Variants in TKT observed in about 807,000 individuals in gnomAD.
TKT encodes transketolase.
Under a neutral mutation model 63.9 loss-of-function variants are expected in TKT, and 47 were observed. The observed-to-expected ratio is 0.74, with a 90% CI of 0.58 to 0.94. The LOEUF (loss-of-function observed/expected upper bound fraction) is 0.94. Ranked by LOEUF, TKT falls within the 40% of genes least tolerant of loss-of-function variation. The pLI, the probability that TKT is intolerant of heterozygous loss-of-function variation, is 0.00. For synonymous variants in TKT, 338 were observed against 334.1 expected (o/e 1.01, Z -0.13); for missense variants, 721 against 846.2 (o/e 0.85, Z 1.84).
In TKT at chr3:53,255,897, T is replaced by A. The variant is rs1367681609; in HGVS notation, c.46A>T (p.Lys16Ter). The A allele has an allele frequency of 6.5e-7, 1 of 1,549,172 alleles. No homozygotes were observed. Among genetic ancestry groups the A allele is most frequent in the Non-Finnish European group, 8.7e-7 (1 of 1,148,222 alleles). Residue 16 changes from lysine (K) to a stop codon, truncating the protein, a stop_gained, in exon 1 of 14, where the codon AAG (lysine) becomes TAG (stop). Transcript: ENST00000462138. LOFTEE classifies it high-confidence loss of function. The stretch of plus-strand genomic sequence containing the variant: ...ATACGTAGGCGGTTGGCCGTGTCCT[T>A]CAAGGCCTGCAGCTTCTGCTGGTCA... ...KPDQQKLQAL[K>*]DTANRLRISS...
chr3:53,241,096 G>A, intron 3 of TKT, 36 bp downstream of exon 3: 1 of 1,504,166 alleles, frequency 6.6e-7, no homozygotes, highest in Non-Finnish European at 8.9e-7. Context: ...AGGAAGTGGA[G>A]GCAGAGGCAT....
In TKT at chr3:53,229,413, G is replaced by A; in HGVS notation, c.1131C>T (p.Ala377=). The A allele has an allele frequency of 1.2e-6, 2 of 1,609,940 alleles. No individual in the cohort carries two copies. The highest frequency in any genetic ancestry group is 1.3e-5 in the African/African-American group (1 of 74,958). Residue 377 remains alanine, a synonymous_variant, in exon 9 of 14, where the codon GCC becomes GCT. Transcript: ENST00000462138. ...QNMVSIAVGC[A]TRNRTVPFCS... is the part of the protein sequence containing the mutation. ...AGAAGGGCACCGTCCTGTTGCGGGT[G>A]GCACAGCCCACCGCGATGCTCACCT...
Position 53,256,002 on chromosome 3 carries a change from C to T in TKT, c.-60G>A. On this transcript the variant is annotated 5_prime_UTR_variant, in exon 1 of 14. Coordinates refer to ENST00000462138, the MANE Select transcript of TKT (RefSeq NM_001064.4). Reference sequence around the variant, plus strand: ...CACACAGAGATAGCGGCTGCTCCCGCGGCGACAGGCGGCTGCCGAGGCCGG... The same window carrying T: ...CACACAGAGATAGCGGCTGCTCCCGTGGCGACAGGCGGCTGCCGAGGCCGG... 1 of 1,123,518 alleles carries T rather than the reference C, an allele frequency of 8.9e-7. No individual in the cohort carries two copies. The highest frequency in any genetic ancestry group is 2.2e-5 in the South Asian group (1 of 46,128). 69.6% of individuals were successfully genotyped at this position (1,123,518 alleles called of 1,614,324 possible).
chr3:53,233,262 G>T lies in TKT; in HGVS notation c.642C>A (p.Ile214=), dbSNP rs782327835. The change falls in exon 6 of 14, where the codon ATC becomes ATA. Residue 214 remains isoleucine (I), a synonymous_variant. Transcript: ENST00000462138. The part of the protein sequence containing the change: ...KRCEAFGWHA[I]IVDGHSVEEL... ...CCTCCACGCTGTGTCCATCCACGAT[G>T]ATGGCATGCCAACTGGGGACAGGGG... is the stretch of plus-strand genomic sequence containing the variant. 9 of 1,611,138 alleles carry T rather than the reference G, an allele frequency of 5.6e-6. No homozygotes were observed. The highest frequency in any genetic ancestry group is 7.6e-6 in the Non-Finnish European group (9 of 1,178,596).
At chr3:53,242,014 T>C (rs1705300931) in intron 2 of TKT, 111 bp downstream of exon 2, 1 of 980,548 alleles carries the variant, frequency 1.0e-6, no homozygotes. Context: ...AGAAGGCACC[T>C]GGGAGAGGTG....
At position 53,225,732 on chromosome 3, in the gene TKT, C is replaced by T. The variant is rs369501122; in HGVS notation, c.*24G>A. On this transcript the variant is annotated 3_prime_UTR_variant, in exon 14 of 14. Coordinates refer to ENST00000462138, the MANE Select transcript of TKT (RefSeq NM_001064.4). ...CCAGAATCTCAGGAATGTATAGACC[C>T]CCGCCCCACACTTCATACCCGCCCT... The T allele has an allele frequency of 2.6e-5, 41 of 1,588,802 alleles. No homozygotes were observed. The highest frequency in any genetic ancestry group is 3.5e-5 in the Non-Finnish European group (41 of 1,163,772).
chr3:53,242,702 C>T (rs1705335793), intron 1 of TKT, among the ~76,000 whole-genome samples: 1 of 152,272 alleles, frequency 6.6e-6, no homozygotes, highest in South Asian at 2.1e-4. Flanking sequence ...CTACGACTGA[C>T]CCCACATCCT....
At chr3:53,252,833 C>G (rs1705816112) in intron 1 of TKT, among the ~76,000 whole-genome samples, 1 of 147,622 alleles carries the variant, frequency 6.8e-6, no homozygotes, top group African/African-American at 2.5e-5. Flanking sequence ...ACTGCTTGCC[C>G]AAGAGGCATT....
intron 5 of TKT, chr3:53,233,610 G>C (rs1704874480): frequency 5.0e-6 from 1 of 199,548 alleles, no homozygotes; most frequent in African/African-American, 2.3e-5. Context: ...CAGCGCACTG[G>C]GTTTGGAATC....
At chr3:53,255,692 G>A (rs1388539982) in intron 1 of TKT, 144 bp downstream of exon 1, 1 of 416,194 alleles carries the variant, frequency 2.4e-6, no homozygotes, top group African/African-American at 2.1e-5. Context: ...TGCGAGGCGC[G>A]CGTCTCCGCC....
intron 1 of TKT, among the ~76,000 whole-genome samples, chr3:53,253,888 C>T (rs191468585): frequency 9.2e-5 from 14 of 152,268 alleles, no homozygotes; most frequent in African/African-American, 3.1e-4. Flanking sequence ...AGGCATGAAC[C>T]ACCATGCCCT....
At chr3:53,243,807 C>T (rs1278713985) in intron 1 of TKT, among the ~76,000 whole-genome samples, 2 of 152,198 alleles carry the variant, frequency 1.3e-5, no homozygotes, top group East Asian at 1.9e-4. Flanking sequence ...AGGGCAGCCC[C>T]GGCCCTGAGG....
chr3:53,250,903 T>G (rs1705716369), intron 1 of TKT, among the ~76,000 whole-genome samples: 2 of 152,124 alleles, frequency 1.3e-5, no homozygotes, highest in African/African-American at 4.8e-5. Flanking sequence ...CACCTCAGCC[T>G]CCCAAGTAGC....
At chr3:53,230,676 T>C in intron 7 of TKT, 55 bp from the exon 8 acceptor site, 4 of 1,597,382 alleles carry the variant, frequency 2.5e-6, no homozygotes, top group Non-Finnish European at 3.4e-6. Context: ...AGTGCACACC[T>C]GCAGCCTGGA....
chr3:53,226,356 G>A (rs1704497842), intron 13 of TKT: 1 of 252,816 alleles, frequency 4.0e-6, no homozygotes, highest in Non-Finnish European at 7.7e-6. Flanking sequence ...CTCCCACTGG[G>A]GCCTCCTACT....
intron 1 of TKT, among the ~76,000 whole-genome samples, chr3:53,243,307 G>A (rs1483779006): frequency 6.6e-6 from 1 of 152,034 alleles, no homozygotes; most frequent in Non-Finnish European, 1.5e-5. Flanking sequence ...CAGGCCTCCC[G>A]GGAGGGCCCC....
At chr3:53,227,851 C>T in intron 12 of TKT, 1 of 542,642 alleles carries the variant, frequency 1.8e-6, no homozygotes, top group Non-Finnish European at 3.3e-6. Flanking sequence ...ACTGTGGGCA[C>T]TGCAGCCCCA....
intron 1 of TKT, among the ~76,000 whole-genome samples, chr3:53,247,158 A>T (rs1553681037): frequency 1.3e-5 from 2 of 151,916 alleles, no homozygotes; most frequent in South Asian, 2.1e-4. Flanking sequence ...GGAGTCTGAG[A>T]CCAGCTTGGC....
intron 4 of TKT, among the ~76,000 whole-genome samples, chr3:53,239,037 G>A (rs1705156973): frequency 6.6e-6 from 1 of 152,174 alleles, no homozygotes. Context: ...ATGGGGACAG[G>A]TCTTCCCCAT....
Sources: allele counts gnomAD v4.1 joint callset (sites outside exome capture counted in the v4.1 genomes callset), GRCh38; gene constraint gnomAD v4.1.1; transcripts MANE v1.5; gene names NCBI Gene and HGNC (gene_info 2026-07-23, HGNC 2026-07-21).